CHRM2: variants seen among roughly 807,000 people sequenced by gnomAD.
The protein encoded by CHRM2 is cholinergic receptor muscarinic 2.
CHRM2 carries 8 observed loss-of-function variants against 25.0 expected under a neutral mutation model. The ratio of observed to expected loss-of-function variants is 0.32; its 90% CI spans 0.19 to 0.58. The LOEUF (loss-of-function observed/expected upper bound fraction) is 0.58, where lower values mean the gene tolerates loss of function less well. Among genes scored for constraint, CHRM2 ranks in the 20% least tolerant of loss-of-function variants. The pLI is 0.88. For missense variants in CHRM2, 440 were observed against 567.1 expected (o/e 0.78, Z 2.28); for synonymous variants, 202 against 205.7 (o/e 0.98, Z 0.15).
chr7:136,977,620 A>G (rs1327934989), intron 2 of CHRM2, among the ~76,000 whole-genome samples: 1 of 152,204 alleles, frequency 6.6e-6, no homozygotes, highest in Non-Finnish European at 1.5e-5. Context: ...TACGACTTGA[A>G]TGGTCTTATC....
intron 3 of CHRM2, among the ~76,000 whole-genome samples, chr7:137,007,879 C>T (rs930106439): frequency 6.6e-6 from 1 of 152,126 alleles, no homozygotes; most frequent in African/African-American, 2.4e-5. Context: ...AGTCTCTCCA[C>T]AATTCTCTCT....
chr7:136,989,608 T>C (rs546120492), intron 2 of CHRM2, among the ~76,000 whole-genome samples: 5 of 152,260 alleles, frequency 3.3e-5, no homozygotes, highest in Admixed American at 3.3e-4. Context: ...TATTGACTTT[T>C]CCCCTCCCTC....
At chr7:136,881,961 C>T (rs200982002) in intron 2 of CHRM2, among the ~76,000 whole-genome samples, 2 of 151,914 alleles carry the variant, frequency 1.3e-5, no homozygotes, top group African/African-American at 2.4e-5. Context: ...TTATACAAGA[C>T]CATACTGACC....
chr7:136,952,357 T>C (rs34992688), intron 2 of CHRM2, among the ~76,000 whole-genome samples: 14 of 152,226 alleles, frequency 9.2e-5, no homozygotes, highest in Non-Finnish European at 1.6e-4. Flanking sequence ...ATTCTTCTAA[T>C]TGCTTTATTG....
intron 2 of CHRM2, among the ~76,000 whole-genome samples, chr7:136,883,114 G>A (rs371504336): frequency 2.6e-5 from 4 of 152,230 alleles, no homozygotes; most frequent in East Asian, 1.9e-4. Flanking sequence ...GCTCTCTTAC[G>A]TAGGGCTTAG....
At chr7:136,958,686 A>G (rs1229841485) in intron 2 of CHRM2, among the ~76,000 whole-genome samples, 2 of 151,940 alleles carry the variant, frequency 1.3e-5, no homozygotes, top group African/African-American at 4.8e-5. Flanking sequence ...CAAATTCCTG[A>G]GCTAAAGCCA....
chr7:136,886,364 A>T (rs573816294), intron 2 of CHRM2, among the ~76,000 whole-genome samples: 1 of 152,356 alleles, frequency 6.6e-6, no homozygotes, highest in South Asian at 2.1e-4. Context: ...ATATGTGTAC[A>T]GTAAAGCAAG....
chr7:136,962,950 T>C (rs1801190533), intron 2 of CHRM2, among the ~76,000 whole-genome samples: 1 of 152,200 alleles, frequency 6.6e-6, no homozygotes, highest in Non-Finnish European at 1.5e-5. Context: ...CTTACCCACT[T>C]GTAGGAAAAT....
Position 137,016,925 on chromosome 7 carries a change from A to G in CHRM2, c.*659A>G, listed in dbSNP as rs1805224526. On this transcript the variant is annotated 3_prime_UTR_variant, in exon 4 of 4. Coordinates refer to ENST00000680005, the MANE Select transcript of CHRM2 (RefSeq NM_001006630.2). Reference sequence around the variant, plus strand: ...CCATTTTTCTTCTTGTTATGCCACTATTTTGTACATCCCTGTTCTATATTG... The same window carrying G: ...CCATTTTTCTTCTTGTTATGCCACTGTTTTGTACATCCCTGTTCTATATTG... 1 of 166,980 alleles carries G rather than the reference A, an allele frequency of 6.0e-6. No individual in the cohort carries two copies. The highest frequency in any genetic ancestry group is 2.4e-5 in the African/African-American group (1 of 41,410). The allele number at this position is 166,980 out of a possible 1,614,324, so 10.3% of individuals were successfully genotyped here. A position where few individuals can be genotyped will look rare whatever the true frequency, so the allele number is the denominator to read the frequency against.
intron 2 of CHRM2, among the ~76,000 whole-genome samples, chr7:136,936,714 CT>C (rs1344323899): frequency 4.6e-5 from 7 of 152,102 alleles, no homozygotes; most frequent in Non-Finnish European, 1.0e-4. Context: ...TCTAAATTTT[CT>C]TTAATTACCT....
At chr7:136,951,824 C>A (rs185658072) in intron 2 of CHRM2, among the ~76,000 whole-genome samples, 1 of 152,280 alleles carries the variant, frequency 6.6e-6, no homozygotes. Context: ...ACTGAAATGG[C>A]AACCTTTAAT....
intron 2 of CHRM2, chr7:136,903,410 CA>C: frequency 6.3e-6 from 2 of 317,356 alleles, no homozygotes; most frequent in South Asian, 3.0e-5. Context: ...CACACCTCAG[CA>C]TCCAAGTATT....
In CHRM2 at chr7:136,928,372, G is replaced by C. The variant is rs528094951; in HGVS notation, c.-125+58954G>C. Among the ~76,000 whole-genome samples, 3 of 152,282 alleles carry C rather than the reference G, an allele frequency of 2.0e-5. No homozygotes were observed. In the South Asian group the frequency reaches 6.2e-4, roughly 32 times the overall value. On this transcript the variant is annotated intron_variant, in intron 2 of 3. Transcript: ENST00000680005. ...GTAAATGCAATATGTAAAATATCTA[G>C]CATAGAGACTGGAAAGTAGTAGATG... is the stretch of plus-strand genomic sequence containing the variant.
chr7:136,889,113 G>A (rs1243933315), intron 2 of CHRM2, among the ~76,000 whole-genome samples: 1 of 145,692 alleles, frequency 6.9e-6, no homozygotes, highest in African/African-American at 2.6e-5. Context: ...TATCAATCAT[G>A]TAGCTCAATT....
chr7:136,892,790 C>T (rs1292350480), intron 2 of CHRM2, among the ~76,000 whole-genome samples: 1 of 151,988 alleles, frequency 6.6e-6, no homozygotes, highest in East Asian at 1.9e-4. Flanking sequence ...CTGCCTCAGC[C>T]TCCTGGGCAG....
intron 2 of CHRM2, among the ~76,000 whole-genome samples, chr7:136,881,208 T>C (rs563882461): frequency 6.6e-6 from 1 of 150,880 alleles, no homozygotes; most frequent in Admixed American, 6.6e-5. Context: ...GACTGTCATG[T>C]AATGGAAATC....
intron 2 of CHRM2, among the ~76,000 whole-genome samples, chr7:136,935,774 G>T (rs571093338): frequency 6.6e-6 from 1 of 152,226 alleles, no homozygotes; most frequent in South Asian, 2.1e-4. Context: ...CATCCTCTGA[G>T]AATATGAGAG....
rs149982786 is a variant in CHRM2 at position 137,016,645 on chromosome 7, T to C, written c.*379T>C. ...TTGTTGTTGTTGTTCTCATGTGTCC[T>C]TAAGAGAAGGAAATGCCACAGTTAC... On this transcript the variant is annotated 3_prime_UTR_variant, in exon 4 of 4. Transcript: ENST00000680005. The C allele has an allele frequency of 4.5e-6, 1 of 221,824 alleles. No individual in the cohort carries two copies. Among genetic ancestry groups the C allele is most frequent in the African/African-American group, 2.3e-5 (1 of 42,688 alleles). 13.7% of individuals were successfully genotyped at this position (221,824 alleles called of 1,614,324 possible).
chr7:136,900,641 A>T lies in CHRM2; in HGVS notation c.-125+31223A>T, dbSNP rs566264416. The stretch of plus-strand genomic sequence containing the variant: ...TCAGAGGAGACTGGAGCTTACACAC[A>T]TGAGGCATTCTAAGAAATGGCACAG... On this transcript the variant is annotated intron_variant, in intron 2 of 3. Coordinates refer to ENST00000680005, the MANE Select transcript of CHRM2 (RefSeq NM_001006630.2). Among the ~76,000 whole-genome samples the T allele has an allele frequency of 2.6e-5, 4 of 152,222 alleles. No homozygotes were observed. In the South Asian group the frequency reaches 8.3e-4, roughly 32 times the overall value.
Sources: gnomAD v4.1 joint callset for allele counts (sites outside exome capture counted in the v4.1 genomes callset) on GRCh38, gnomAD v4.1.1 for gene constraint, MANE v1.5 for transcripts, NCBI Gene and HGNC (gene_info 2026-07-23, HGNC 2026-07-21) for gene names.